Variants in NF1 observed in about 807,000 individuals in gnomAD.
The protein encoded by NF1 is neurofibromin.
NF1 carries 122 observed loss-of-function variants against 325.7 expected under a neutral mutation model. The observed-to-expected ratio is 0.37, with a 90% CI of 0.32 to 0.44. NF1 has a LOEUF of 0.44. NF1 is among the 20% of genes least tolerant of loss of function. The probability of loss-of-function intolerance (pLI) is 1.00; values close to 1 mark genes in which losing one functional copy is unlikely to be tolerated. For missense variants in NF1, 2,140 were observed against 3,415.4 expected, an observed-to-expected ratio of 0.63 and a Z score of 9.31; for synonymous variants, 1,091 against 1,186.0, an observed-to-expected ratio of 0.92 and a Z score of 1.65.
chr17:31,359,238 G>T, intron 56 of NF1: 1 of 527,706 alleles, frequency 1.9e-6, no homozygotes, highest in Non-Finnish European at 3.4e-6. Flanking sequence ...GTCAACTTAT[G>T]ATCAATTTTT....
intron 30 of NF1, chr17:31,252,683 G>C (rs948852471): frequency 1.3e-5 from 6 of 444,744 alleles, no homozygotes; most frequent in Middle Eastern, 6.0e-4. Flanking sequence ...GAGTTTTTCT[G>C]TGATTCATAG....
At chr17:31,277,802 C>G (rs2068036609) in intron 36 of NF1, among the ~76,000 whole-genome samples, 1 of 152,224 alleles carries the variant, frequency 6.6e-6, no homozygotes, top group South Asian at 2.1e-4. Context: ...TTTCTGCTAA[C>G]TGCTTCCTGC....
At chr17:31,347,771 C>G (rs1416928417) in intron 48 of NF1, among the ~76,000 whole-genome samples, 61 of 145,752 alleles carry the variant, frequency 4.2e-4, no homozygotes, top group African/African-American at 1.2e-3. Context: ...AATCCTCTGT[C>G]AATTCACTGC....
At chr17:31,357,830 T>C in intron 54 of NF1, 1 of 176,278 alleles carries the variant, frequency 5.7e-6, no homozygotes, top group South Asian at 1.2e-4. Context: ...TCAAATAAAT[T>C]CTTTTCCTGA....
chr17:31,200,282 T>A, intron 8 of NF1, 140 bp from the exon 9 acceptor site: 1 of 719,446 alleles, frequency 1.4e-6, no homozygotes, highest in Non-Finnish European at 2.3e-6. Context: ...ACTTAAATTA[T>A]GAAATTGAAA....
intron 1 of NF1, among the ~76,000 whole-genome samples, chr17:31,147,316 A>C (rs1916648417): frequency 6.6e-6 from 1 of 152,240 alleles, no homozygotes; most frequent in South Asian, 2.1e-4. Context: ...ATGTAACATC[A>C]TACAATATGT....
At chr17:31,335,165 A>G (rs1357049660) in intron 40 of NF1, 134 bp downstream of exon 40, 6 of 707,302 alleles carry the variant, frequency 8.5e-6, no homozygotes, top group Non-Finnish European at 1.4e-5. Flanking sequence ...TTCAGAAAGC[A>G]TGTAGACACT....
intron 5 of NF1, among the ~76,000 whole-genome samples, chr17:31,172,474 T>G (rs1264793582): frequency 6.6e-6 from 1 of 152,134 alleles, no homozygotes; most frequent in East Asian, 1.9e-4. Flanking sequence ...GATAGATATA[T>G]CGAGAGAGAG....
intron 11 of NF1, among the ~76,000 whole-genome samples, chr17:31,201,845 T>TTTAAGGTAAGG (rs1567836290): frequency 1.3e-5 from 2 of 152,168 alleles, no homozygotes; most frequent in Non-Finnish European, 2.9e-5. Flanking sequence ...ATTTGATACA[T>TTTAAGGTAAGG]TGACTTGCCA....
intron 35 of NF1, among the ~76,000 whole-genome samples, chr17:31,262,827 G>A (rs1044325473): frequency 2.4e-4 from 36 of 151,828 alleles, no homozygotes; most frequent in African/African-American, 7.7e-4. Flanking sequence ...GTAATTAAGG[G>A]CATATTTTCC....
intron 42 of NF1, 124 bp downstream of exon 42, chr17:31,337,038 T>A: frequency 2.0e-6 from 2 of 983,704 alleles, no homozygotes; most frequent in Non-Finnish European, 3.1e-6. Context: ...AAGCCTCCAG[T>A]AATGACATGA....
chr17:31,334,043 T>C (rs1245262872), intron 39 of NF1, among the ~76,000 whole-genome samples: 1 of 152,118 alleles, frequency 6.6e-6, no homozygotes, highest in African/African-American at 2.4e-5. Context: ...TCCCAGCACT[T>C]TGGGAGGCCG....
At chr17:31,256,942 T>C (rs935817670) in intron 31 of NF1, among the ~76,000 whole-genome samples, 1 of 152,216 alleles carries the variant, frequency 6.6e-6, no homozygotes, top group African/African-American at 2.4e-5. Context: ...CTCTAAAATC[T>C]AGTTTTTACT....
chr17:31,105,804 G>A (rs550020705), intron 1 of NF1, among the ~76,000 whole-genome samples: 1 of 152,236 alleles, frequency 6.6e-6, no homozygotes, highest in African/African-American at 2.4e-5. Flanking sequence ...ATGAGCCACC[G>A]TGCCCGGCTG....
chr17:31,124,990 C>A (rs1020214869), intron 1 of NF1, among the ~76,000 whole-genome samples: 2 of 149,966 alleles, frequency 1.3e-5, no homozygotes, highest in African/African-American at 4.9e-5. Context: ...AAAAAAAAAA[C>A]ATGGTGAACT....
At chr17:31,276,233 G>A (rs1195559749) in intron 36 of NF1, among the ~76,000 whole-genome samples, 4 of 132,796 alleles carry the variant, frequency 3.0e-5, no homozygotes, top group African/African-American at 6.0e-5. Flanking sequence ...AAAAAAAAAA[G>A]GGGCACAATA....
chr17:31,307,958 C>T, intron 36 of NF1: 2 of 1,278,606 alleles, frequency 1.6e-6, no homozygotes, highest in South Asian at 1.2e-5. Context: ...TGATAAATGG[C>T]CCTGTTTTAG....
intron 36 of NF1, among the ~76,000 whole-genome samples, chr17:31,313,207 A>T (rs17826544): frequency 6.6e-6 from 1 of 151,954 alleles, no homozygotes; most frequent in African/African-American, 2.4e-5. Context: ...TTACTATGCA[A>T]ACTAAAGGGG....
At chr17:31,328,942 A>G (rs566048604) in intron 38 of NF1, among the ~76,000 whole-genome samples, 45 of 152,308 alleles carry the variant, frequency 3.0e-4, no homozygotes, top group South Asian at 1.9e-3. Flanking sequence ...CCAATTCTTT[A>G]TAAGTGTTGA....
Sources: allele counts gnomAD v4.1 joint callset (sites outside exome capture counted in the v4.1 genomes callset), GRCh38; gene constraint gnomAD v4.1.1; transcripts MANE v1.5; gene names NCBI Gene and HGNC (gene_info 2026-07-23, HGNC 2026-07-21).